Variants in KDM4B observed in about 807,000 individuals in gnomAD.
KDM4B encodes the protein lysine demethylase 4B.
In KDM4B, 32 loss-of-function variants were observed where a neutral mutation model predicts 125.2. The observed-to-expected ratio is 0.26, with a 90% CI of 0.19 to 0.34. The LOEUF (loss-of-function observed/expected upper bound fraction) is 0.34. KDM4B is among the 10% of genes least tolerant of loss of function. KDM4B has a pLI of 1.00. For missense variants in KDM4B, 1,190 were observed against 1,577.7 expected (o/e 0.75, Z 4.16); for synonymous variants, 721 against 677.9 (o/e 1.06, Z -0.99).
intron 1 of KDM4B, among the ~76,000 whole-genome samples, chr19:4,995,963 C>T (rs2035186954): frequency 6.6e-6 from 1 of 152,126 alleles, no homozygotes; most frequent in Non-Finnish European, 1.5e-5. Flanking sequence ...CTTACCCATT[C>T]TCCTACTAAT....
At chr19:5,099,852 T>TA (rs2038897726) in intron 9 of KDM4B, among the ~76,000 whole-genome samples, 1 of 152,216 alleles carries the variant, frequency 6.6e-6, no homozygotes, top group African/African-American at 2.4e-5. Context: ...GCCAGTGCTT[T>TA]GATCTTGGAC....
intron 3 of KDM4B, among the ~76,000 whole-genome samples, 162 bp from the exon 4 acceptor site, chr19:5,039,674 A>G (rs898060115): frequency 8.0e-5 from 12 of 150,268 alleles, no homozygotes; most frequent in African/African-American, 2.7e-4. Flanking sequence ...TCTTCTGGGG[A>G]GTTTGATAAG....
At chr19:5,019,796 CGTT>C (rs2036037467) in intron 2 of KDM4B, among the ~76,000 whole-genome samples, 1 of 96,118 alleles carries the variant, frequency 1.0e-5, no homozygotes, top group Non-Finnish European at 2.0e-5. Context: ...CTGGTGTGGA[CGTT>C]GGTGTGCAGG....
chr19:5,006,149 A>G (rs2035551475), intron 1 of KDM4B, among the ~76,000 whole-genome samples: 1 of 151,920 alleles, frequency 6.6e-6, no homozygotes, highest in Admixed American at 6.6e-5. Context: ...CCTTCCTTCC[A>G]TCCCTGCTGC....
rs780368574 is a variant in KDM4B, at chr19:5,082,969, C to T, written c.918+465C>T. ...AGGCAGGAGCCCACTCAGGCATCTG[C>T]CCCCCTCCCTCCCTGCTCCCCTGTC... On this transcript the variant is annotated intron_variant, in intron 9 of 22. Coordinates refer to ENST00000159111, the MANE Select transcript of KDM4B (RefSeq NM_015015.3). The surrounding 1 kb of genome is among the most constrained non-coding windows in gnomAD (Gnocchi z 5.4). Among the ~76,000 whole-genome samples the T allele has an allele frequency of 2.3e-4, 35 of 152,178 alleles. No homozygotes were observed. Among genetic ancestry groups the T allele is most frequent in the Non-Finnish European group, 3.7e-4 (25 of 68,024 alleles).
At chr19:5,097,153 C>A (rs1037709643) in intron 9 of KDM4B, among the ~76,000 whole-genome samples, 1 of 152,164 alleles carries the variant, frequency 6.6e-6, no homozygotes, top group Non-Finnish European at 1.5e-5. Context: ...CCAAAGCCAC[C>A]AAGATGTCAA....
At chr19:5,133,823 C>A (rs2039600438) in intron 13 of KDM4B, 60 bp from the exon 14 acceptor site, 2 of 1,574,542 alleles carry the variant, frequency 1.3e-6, no homozygotes, top group Non-Finnish European at 8.7e-7. Flanking sequence ...TGGGGTGATT[C>A]CTTGGACGAG....
intron 3 of KDM4B, among the ~76,000 whole-genome samples, chr19:5,034,412 C>G (rs577166658): frequency 1.3e-5 from 2 of 152,208 alleles, no homozygotes; most frequent in Non-Finnish European, 2.9e-5. Context: ...AGCAACCAGA[C>G]GCCGTGTGAA....
chr19:5,032,615 T>C (rs189487074), intron 2 of KDM4B, among the ~76,000 whole-genome samples: 57 of 152,170 alleles, frequency 3.7e-4, no homozygotes, highest in African/African-American at 1.3e-3. Flanking sequence ...GCTCCCGGTG[T>C]CGCCTCGGCC....
intron 18 of KDM4B, chr19:5,140,792 A>G (rs1424900532): frequency 1.3e-5 from 2 of 151,134 alleles, no homozygotes; most frequent in East Asian, 3.9e-4. Flanking sequence ...CGTCCCCACT[A>G]AGGGCTGTGC....
intron 2 of KDM4B, among the ~76,000 whole-genome samples, chr19:5,019,467 T>TG (rs1568231735): frequency 7.2e-6 from 1 of 139,820 alleles, no homozygotes; most frequent in Non-Finnish European, 1.5e-5. Context: ...TGTGCAGGTG[T>TG]GGGTGTTGGT....
In KDM4B at chr19:5,152,297, C is replaced by G. The variant is rs2039962226; in HGVS notation, c.*786C>G. 6.6e-6 allele frequency: 1 copy of G among 152,296 alleles called. No individual in the cohort carries two copies. Among genetic ancestry groups the G allele is most frequent in the Admixed American group, 6.5e-5 (1 of 15,290 alleles). The allele number at this position is 152,296 out of a possible 1,614,324, so 9.4% of individuals were successfully genotyped here. ...ACCTGGCCAGGGGAAGCCCGGGGGTCTGGGGCCTCCCTCCGTCTGCGCCCA... is the reference window on the plus strand; with the variant it reads ...ACCTGGCCAGGGGAAGCCCGGGGGTGTGGGGCCTCCCTCCGTCTGCGCCCA... On this transcript the variant is annotated 3_prime_UTR_variant, in exon 23 of 23. Transcript: ENST00000159111.
intron 1 of KDM4B, among the ~76,000 whole-genome samples, chr19:4,992,968 G>A (rs2035075211): frequency 6.6e-6 from 1 of 152,164 alleles, no homozygotes; most frequent in Non-Finnish European, 1.5e-5. Flanking sequence ...ATTTAATGAG[G>A]CTTGTTTTAT....
At chr19:5,034,040 G>A (rs545098334) in intron 3 of KDM4B, among the ~76,000 whole-genome samples, 2 of 152,274 alleles carry the variant, frequency 1.3e-5, no homozygotes, top group South Asian at 2.1e-4. Context: ...AGGCTGAGGC[G>A]GGAGGATCAC....
At chr19:5,070,733 C>T (rs779628786) in intron 6 of KDM4B, 9 of 379,888 alleles carry the variant, frequency 2.4e-5, no homozygotes, top group South Asian at 4.6e-5. Context: ...GCCGCTTAAC[C>T]GGGAGCATCC....
At chr19:5,107,066 G>A (rs1050312845) in intron 9 of KDM4B, among the ~76,000 whole-genome samples, 1 of 152,212 alleles carries the variant, frequency 6.6e-6, no homozygotes, top group Non-Finnish European at 1.5e-5. Flanking sequence ...CCACCTCCTG[G>A]TCTCGGACCT....
At chr19:5,074,892 G>A (rs1039844819) in intron 7 of KDM4B, 2 of 152,476 alleles carry the variant, frequency 1.3e-5, no homozygotes, top group East Asian at 1.9e-4. Context: ...CGGGCTGGCC[G>A]AGGCTGTTGG....
At chr19:5,085,343 T>C (rs1017172933) in intron 9 of KDM4B, among the ~76,000 whole-genome samples, 7 of 152,114 alleles carry the variant, frequency 4.6e-5, no homozygotes, top group African/African-American at 1.7e-4. Context: ...TGAAAGGGCA[T>C]GTGTCTGTGT....
In KDM4B at chr19:5,152,887, T is replaced by A. The variant is rs4807690; in HGVS notation, c.*1376T>A. The stretch of plus-strand genomic sequence containing the variant: ...ATAGCAAGACCCCATCACTACAAAT[T>A]TTTTACAAATTAGCTAGGTGTGGTG... On this transcript the variant is annotated 3_prime_UTR_variant, in exon 23 of 23. Coordinates refer to ENST00000159111, the MANE Select transcript of KDM4B (RefSeq NM_015015.3). 0.051 allele frequency: 7,808 copies of A among 152,146 alleles called. 274 individuals are homozygous for A. Among genetic ancestry groups the A allele is most frequent in the Admixed American group, 0.11 (1,633 of 15,286 alleles). 9.4% of individuals were successfully genotyped at this position (152,146 alleles called of 1,614,324 possible). A position where few individuals can be genotyped will look rare whatever the true frequency, so the allele number is the denominator to read the frequency against.
Sources: allele counts gnomAD v4.1 joint callset (sites outside exome capture counted in the v4.1 genomes callset), GRCh38; gene constraint gnomAD v4.1.1; non-coding constraint Gnocchi (gnomAD v3.1); transcripts MANE v1.5; gene names NCBI Gene and HGNC (gene_info 2026-07-23, HGNC 2026-07-21).